PCSK2: variants seen among roughly 807,000 people sequenced by gnomAD.
PCSK2 encodes proprotein convertase subtilisin/kexin type 2.
A neutral mutation model predicts 69.7 loss-of-function variants in PCSK2; 14 were observed. The ratio of observed to expected loss-of-function variants is 0.20; its 90% confidence interval spans 0.13 to 0.31. PCSK2 has a LOEUF of 0.31. Ranked by LOEUF, PCSK2 falls within the 10% of genes least tolerant of loss-of-function variation. PCSK2 has a pLI of 1.00. For synonymous variants in PCSK2, 307 were observed against 320.7 expected, an observed-to-expected ratio of 0.96 and a Z score of 0.46; for missense variants, 544 against 842.5, an observed-to-expected ratio of 0.65 and a Z score of 4.39.
At position 17,246,060 on chromosome 20, in the gene PCSK2, G is replaced by A. The variant is rs191912622; in HGVS notation, c.178-14180G>A. 7.9e-5 allele frequency among the ~76,000 whole-genome samples: 12 copies of A among 152,220 alleles called. No individual in the cohort carries two copies. In the East Asian group the frequency reaches 2.1e-3, roughly 27 times the overall value. Reference sequence around the variant, plus strand: ...CCTCCTGATCTTTTTAATTTACTCAGCAGGTATCTATGACATGATACTCTG... The same window carrying A: ...CCTCCTGATCTTTTTAATTTACTCAACAGGTATCTATGACATGATACTCTG... On this transcript the variant is annotated intron_variant, in intron 1 of 11. Coordinates refer to ENST00000262545, the MANE Select transcript of PCSK2 (RefSeq NM_002594.5).
intron 5 of PCSK2, among the ~76,000 whole-genome samples, chr20:17,399,680 G>C (rs146816239): frequency 6.6e-6 from 1 of 152,230 alleles, no homozygotes; most frequent in African/African-American, 2.4e-5. Context: ...CCTGCCGTGC[G>C]ATGCCATGTT....
At chr20:17,406,357 T>C (rs1424906783) in intron 5 of PCSK2, among the ~76,000 whole-genome samples, 1 of 152,240 alleles carries the variant, frequency 6.6e-6, no homozygotes, top group Non-Finnish European at 1.5e-5. Flanking sequence ...ATAACAACTG[T>C]TTGCCTTCCT....
chr20:17,296,247 G>C lies in PCSK2; in HGVS notation c.282+35903G>C, dbSNP rs369548660. Among the ~76,000 whole-genome samples, 29 of 152,290 alleles carry C rather than the reference G, an allele frequency of 1.9e-4. No homozygotes were observed. The East Asian group carries it at 5.0e-3, about 26-fold the overall frequency. On this transcript the variant is annotated intron_variant, in intron 2 of 11. Coordinates refer to ENST00000262545, the MANE Select transcript of PCSK2 (RefSeq NM_002594.5). ...GGCCTCTGAGCAGGACACAGGGTCCGCTACACAGCTCAGCGTCTCAAAAAC... is the reference window on the plus strand; with the variant it reads ...GGCCTCTGAGCAGGACACAGGGTCCCCTACACAGCTCAGCGTCTCAAAAAC...
At chr20:17,476,500 G>A (rs1039698932) in intron 11 of PCSK2, among the ~76,000 whole-genome samples, 2 of 152,038 alleles carry the variant, frequency 1.3e-5, no homozygotes, top group South Asian at 2.1e-4. Context: ...TTCCATCATC[G>A]TAGAGTGTCC....
rs746363731 is a variant in PCSK2 at position 17,453,966 on chromosome 20, G to A, written c.1101+9G>A. ...ACCCCGAGGCCGGTGTGGTGAGCAC[G>A]TCCCCTTCTGTCCTTGTTTCCTTAG... On this transcript the variant is annotated intron_variant, in intron 9 of 11. Transcript: ENST00000262545. The surrounding 1 kb of genome is among the most constrained non-coding windows in gnomAD (Gnocchi z 4.0). The A allele has an allele frequency of 1.2e-5, 20 of 1,613,840 alleles. No homozygotes were observed. Among genetic ancestry groups the A allele is most frequent in the African/African-American group, 2.7e-5 (2 of 74,922 alleles).
At chr20:17,278,072 A>T (rs1988159559) in intron 2 of PCSK2, among the ~76,000 whole-genome samples, 1 of 152,200 alleles carries the variant, frequency 6.6e-6, no homozygotes, top group Non-Finnish European at 1.5e-5. Flanking sequence ...AGGAAACAAC[A>T]GGTGCTGGAG....
chr20:17,351,038 T>TAA lies in PCSK2; in HGVS notation c.283-7272_283-7271dup, dbSNP rs11471979. On this transcript the variant is annotated intron_variant, in intron 2 of 11. Transcript: ENST00000262545. ...CTGGGTGACAGAGCAAGACTTCATC[T>TAA]AAAAAAAAAAAAAAAAAATTAATGT... 2.3e-4 allele frequency among the ~76,000 whole-genome samples: 31 copies of TAA among 134,166 alleles called. 1 individual carries two copies. The highest frequency in any genetic ancestry group is 3.9e-4 in the African/African-American group (14 of 35,556). The allele number at this position is 134,166 out of a possible 152,430, so 88.0% of individuals were successfully genotyped here.
In PCSK2 at chr20:17,301,830, C is replaced by A. The variant is rs563183857; in HGVS notation, c.282+41486C>A. On this transcript the variant is annotated intron_variant, in intron 2 of 11. Coordinates refer to ENST00000262545, the MANE Select transcript of PCSK2 (RefSeq NM_002594.5). Reference sequence around the variant, plus strand: ...CCTGTAATCCCAGCTTCTCAGGAGGCTGAGGCGGGAGAATTGCTTGAACTG... The same window carrying A: ...CCTGTAATCCCAGCTTCTCAGGAGGATGAGGCGGGAGAATTGCTTGAACTG... 2.2e-4 allele frequency among the ~76,000 whole-genome samples: 33 copies of A among 152,134 alleles called. No individual in the cohort carries two copies. The East Asian group carries it at 5.8e-3, about 27-fold the overall frequency.
At chr20:17,334,159 G>A (rs769953897) in intron 2 of PCSK2, among the ~76,000 whole-genome samples, 5 of 151,734 alleles carry the variant, frequency 3.3e-5, no homozygotes, top group African/African-American at 4.8e-5. Context: ...AAAGAGCAGT[G>A]GAGTGGGCAA....
chr20:17,262,016 G>T (rs1460661341), intron 2 of PCSK2, among the ~76,000 whole-genome samples: 2 of 152,216 alleles, frequency 1.3e-5, no homozygotes, highest in African/African-American at 4.8e-5. Context: ...TCCCTGTTTG[G>T]TCAGAGAGAC....
intron 1 of PCSK2, among the ~76,000 whole-genome samples, chr20:17,245,334 A>G (rs180905721): frequency 2.0e-4 from 30 of 152,356 alleles, no homozygotes; most frequent in Non-Finnish European, 3.4e-4. Flanking sequence ...ATAGGGTACC[A>G]ATAAGGTTTC....
At chr20:17,236,245 A>G (rs895759165) in intron 1 of PCSK2, among the ~76,000 whole-genome samples, 2 of 152,150 alleles carry the variant, frequency 1.3e-5, no homozygotes, top group African/African-American at 4.8e-5. Context: ...ATCAAAAGAA[A>G]ACTATGGAAA....
At chr20:17,259,328 A>G (rs1002606414) in intron 1 of PCSK2, among the ~76,000 whole-genome samples, 13 of 152,224 alleles carry the variant, frequency 8.5e-5, no homozygotes, top group Admixed American at 1.3e-4. Context: ...TTAATTAATC[A>G]GGTTAAGAAC....
At chr20:17,230,573 T>C (rs1028575424) in intron 1 of PCSK2, among the ~76,000 whole-genome samples, 1 of 152,232 alleles carries the variant, frequency 6.6e-6, no homozygotes, top group African/African-American at 2.4e-5. Context: ...ATTTTAGAGC[T>C]CTGCTATTTT....
chr20:17,432,840 G>T (rs2032396395), intron 7 of PCSK2, among the ~76,000 whole-genome samples: 1 of 152,226 alleles, frequency 6.6e-6, no homozygotes, highest in Non-Finnish European at 1.5e-5. Flanking sequence ...TGTTGCAGGG[G>T]ATGGAAGCTG....
intron 6 of PCSK2, among the ~76,000 whole-genome samples, chr20:17,410,776 T>C (rs1426315166): frequency 1.3e-5 from 2 of 152,216 alleles, no homozygotes; most frequent in Non-Finnish European, 1.5e-5. Context: ...ACCAAATGTG[T>C]GCCATTAAGC....
chr20:17,356,841 A>G (rs552117234), intron 2 of PCSK2, among the ~76,000 whole-genome samples: 2 of 152,142 alleles, frequency 1.3e-5, no homozygotes, highest in East Asian at 3.9e-4. Flanking sequence ...TCCTTGCTTC[A>G]CCTTCCCAAG....
intron 1 of PCSK2, among the ~76,000 whole-genome samples, chr20:17,253,586 C>T (rs1252347632): frequency 1.3e-5 from 2 of 152,120 alleles, no homozygotes; most frequent in Non-Finnish European, 2.9e-5. Flanking sequence ...ACATATATAT[C>T]ATTTTGTTTA....
chr20:17,310,316 C>G (rs371314882), intron 2 of PCSK2, among the ~76,000 whole-genome samples: 1 of 152,094 alleles, frequency 6.6e-6, no homozygotes, highest in African/African-American at 2.4e-5. Context: ...CCCCCAGGCT[C>G]TGTCTGGAGG....
Sources: allele counts gnomAD v4.1 joint callset (sites outside exome capture counted in the v4.1 genomes callset), GRCh38; gene constraint gnomAD v4.1.1; non-coding constraint Gnocchi (gnomAD v3.1); transcripts MANE v1.5; gene names NCBI Gene and HGNC (gene_info 2026-07-23, HGNC 2026-07-21).